Variants in MICAL3 observed in about 807,000 individuals in gnomAD.
MICAL3 encodes microtubule associated monooxygenase, calponin and LIM domain containing 3.
Under a neutral mutation model 207.4 loss-of-function variants are expected in MICAL3, and 62 were observed. The ratio of observed to expected loss-of-function variants is 0.30; its 90% confidence interval spans 0.24 to 0.37. The LOEUF is 0.37. Among genes scored for constraint, MICAL3 ranks in the 10% least tolerant of loss-of-function variants. The pLI is 1.00. For synonymous variants in MICAL3, 1,077 were observed against 1,069.3 expected (o/e 1.01, Z -0.14); for missense variants, 2,368 against 2,635.6 (o/e 0.90, Z 2.22).
chr22:17,939,716 C>T (rs1933720765), intron 1 of MICAL3, among the ~76,000 whole-genome samples: 1 of 152,216 alleles, frequency 6.6e-6, no homozygotes, highest in Non-Finnish European at 1.5e-5. Context: ...CCCTCCCTAG[C>T]TGGAGAGTGA....
At chr22:17,958,702 TTTA>T (rs533201208) in intron 1 of MICAL3, among the ~76,000 whole-genome samples, 7,999 of 150,884 alleles carry the variant, frequency 0.053, 371 homozygotes, top group African/African-American at 0.14. Flanking sequence ...GTTGGGTTTT[TTTA>T]TTTTTTTTTT....
At chr22:17,851,364 CT>C (rs1224698384) in intron 19 of MICAL3, among the ~76,000 whole-genome samples, 1 of 152,140 alleles carries the variant, frequency 6.6e-6, no homozygotes, top group African/African-American at 2.4e-5. Context: ...CCTTGAAGGG[CT>C]TTTATACACG....
chr22:17,834,713 C>T (rs1923178642), intron 20 of MICAL3, among the ~76,000 whole-genome samples: 1 of 152,136 alleles, frequency 6.6e-6, no homozygotes, highest in South Asian at 2.1e-4. Context: ...AGAATCTGGG[C>T]CACGGAAAAC....
intron 16 of MICAL3, among the ~76,000 whole-genome samples, chr22:17,878,335 G>A (rs753641729): frequency 1.3e-5 from 2 of 152,194 alleles, no homozygotes; most frequent in Admixed American, 6.5e-5. Flanking sequence ...TGGGAGAGCA[G>A]CCCCAGAAAG....
intron 20 of MICAL3, among the ~76,000 whole-genome samples, chr22:17,839,373 C>G (rs1294049773): frequency 1.3e-5 from 2 of 150,040 alleles, no homozygotes; most frequent in Non-Finnish European, 2.9e-5. Flanking sequence ...TCTCCTGCCT[C>G]AGCCTCCTGA....
intron 1 of MICAL3, among the ~76,000 whole-genome samples, chr22:17,988,895 G>C (rs1921336955): frequency 6.6e-6 from 1 of 152,178 alleles, no homozygotes; most frequent in African/African-American, 2.4e-5. Context: ...ATCCACTTCT[G>C]TGCTCTCTGT....
At chr22:17,879,555 T>C (rs1255685193) in intron 16 of MICAL3, among the ~76,000 whole-genome samples, 1 of 152,216 alleles carries the variant, frequency 6.6e-6, no homozygotes, top group East Asian at 1.9e-4. Context: ...TAATCCCATC[T>C]GTATCAAATC....
chr22:17,945,303 C>T (rs1182022825), intron 1 of MICAL3, among the ~76,000 whole-genome samples: 2 of 152,174 alleles, frequency 1.3e-5, no homozygotes, highest in Non-Finnish European at 2.9e-5. Flanking sequence ...CTCCTTCACC[C>T]TCGTCCACTA....
At chr22:17,911,587 C>A (rs945926573) in intron 1 of MICAL3, among the ~76,000 whole-genome samples, 2 of 152,176 alleles carry the variant, frequency 1.3e-5, no homozygotes, top group African/African-American at 4.8e-5. Flanking sequence ...AATCCCAGCA[C>A]TTTAGGAGGC....
In MICAL3 at chr22:17,839,141, G is replaced by A. The variant is rs189773450; in HGVS notation, c.2801+2681C>T. Among the ~76,000 whole-genome samples, 738 of 150,716 alleles carry A rather than the reference G, an allele frequency of 4.9e-3. 6 individuals carry two copies. The highest frequency in any genetic ancestry group is 0.017 in the African/African-American group (705 of 40,978). Reference sequence around the variant, plus strand: ...TAATTTTCATATTTTTTGTAGAGACGGGGTTTCATCATGTTACTGCTGCTC... The same window carrying A: ...TAATTTTCATATTTTTTGTAGAGACAGGGTTTCATCATGTTACTGCTGCTC... On this transcript the variant is annotated intron_variant, in intron 20 of 31. Coordinates refer to ENST00000441493, the MANE Select transcript of MICAL3 (RefSeq NM_015241.3).
intron 20 of MICAL3, among the ~76,000 whole-genome samples, chr22:17,837,828 C>G (rs908146835): frequency 6.6e-6 from 1 of 152,204 alleles, no homozygotes; most frequent in African/African-American, 2.4e-5. Context: ...ATTAGATACT[C>G]CAGGGTGCGC....
chr22:17,928,746 C>A (rs1933058367), intron 1 of MICAL3, among the ~76,000 whole-genome samples: 1 of 152,194 alleles, frequency 6.6e-6, no homozygotes, highest in African/African-American at 2.4e-5. Flanking sequence ...GGGGGGTGAC[C>A]ATAATCACTG....
intron 1 of MICAL3, among the ~76,000 whole-genome samples, chr22:17,919,623 T>G (rs979871985): frequency 1.3e-5 from 2 of 151,766 alleles, no homozygotes; most frequent in Non-Finnish European, 2.9e-5. Context: ...AGGCTGGGAG[T>G]CACAGAGAAT....
chr22:17,894,922 G>A (rs1930698382), intron 10 of MICAL3, among the ~76,000 whole-genome samples: 1 of 152,110 alleles, frequency 6.6e-6, no homozygotes, highest in African/African-American at 2.4e-5. Context: ...AGAAATTGAG[G>A]TTCAGACAAT....
chr22:18,007,250 A>G (rs570260134), intron 1 of MICAL3: 3 of 152,146 alleles, frequency 2.0e-5, no homozygotes, highest in East Asian at 1.9e-4. Context: ...TCACCAGCAT[A>G]TCATTGTTAC....
rs546763595 is a variant in MICAL3, at chr22:17,966,202, A to T, written c.-75+58079T>A. Among the ~76,000 whole-genome samples, 10 of 152,178 alleles carry T rather than the reference A, an allele frequency of 6.6e-5. No individual in the cohort carries two copies. In the South Asian group the frequency reaches 1.9e-3, roughly 28 times the overall value. On this transcript the variant is annotated intron_variant, in intron 1 of 31. Coordinates refer to ENST00000441493, the MANE Select transcript of MICAL3 (RefSeq NM_015241.3). ...GCTTCATGCCTCCCATCGAATTTCC[A>T]GTCCCTGACTCTGGCCACCCAGCTT...
At chr22:17,851,821 C>T (rs1354675674) in intron 19 of MICAL3, among the ~76,000 whole-genome samples, 1 of 152,216 alleles carries the variant, frequency 6.6e-6, no homozygotes, top group Non-Finnish European at 1.5e-5. Context: ...TCGAATGGCT[C>T]GATGTCCTGA....
At chr22:17,938,064 T>A (rs1359641763) in intron 1 of MICAL3, among the ~76,000 whole-genome samples, 2 of 152,224 alleles carry the variant, frequency 1.3e-5, no homozygotes, top group Non-Finnish European at 2.9e-5. Context: ...TTATTAAATT[T>A]TTTTAAAGTG....
chr22:17,810,567 C>G (rs1278179558), intron 28 of MICAL3, 136 bp downstream of exon 28: 1 of 662,340 alleles, frequency 1.5e-6, no homozygotes, highest in African/African-American at 1.8e-5. Flanking sequence ...CAAAGGTGAC[C>G]TGGGTGGCAG....
Sources: gnomAD v4.1 joint callset for allele counts (sites outside exome capture counted in the v4.1 genomes callset) on GRCh38, gnomAD v4.1.1 for gene constraint, MANE v1.5 for transcripts, NCBI Gene and HGNC (gene_info 2026-07-23, HGNC 2026-07-21) for gene names.